Variants in THSD4 observed in about 807,000 individuals in gnomAD.
THSD4 encodes the protein thrombospondin type-1 domain-containing protein 4.
In THSD4, 69 loss-of-function variants were observed where a neutral mutation model predicts 119.0. The observed-to-expected ratio is 0.58, with a 90% CI of 0.48 to 0.71. The LOEUF (loss-of-function observed/expected upper bound fraction) is 0.71. THSD4 is among the 30% of genes least tolerant of loss of function. The pLI is 0.00. For synonymous variants in THSD4, 524 were observed against 540.4 expected, an observed-to-expected ratio of 0.97 and a Z score of 0.42; for missense variants, 1,393 against 1,391.1, an observed-to-expected ratio of 1.00 and a Z score of -0.02.
At chr15:71,230,826 A>C (rs140741665) in intron 4 of THSD4, among the ~76,000 whole-genome samples, 1 of 152,318 alleles carries the variant, frequency 6.6e-6, no homozygotes, top group Admixed American at 6.5e-5. Flanking sequence ...TCTCTCTTTT[A>C]AACTTCCACT....
intron 3 of THSD4, among the ~76,000 whole-genome samples, chr15:71,162,638 C>G (rs1240396604): frequency 6.6e-6 from 1 of 152,008 alleles, no homozygotes; most frequent in African/African-American, 2.4e-5. Context: ...TCACTGAAGA[C>G]CTTTGACCTT....
At chr15:71,383,420 C>T (rs948296479) in intron 6 of THSD4, among the ~76,000 whole-genome samples, 8 of 152,116 alleles carry the variant, frequency 5.3e-5, no homozygotes, top group African/African-American at 1.9e-4. Flanking sequence ...CCATCATTTG[C>T]CCAAATCAAG....
chr15:71,430,517 C>T (rs571997734), intron 7 of THSD4, among the ~76,000 whole-genome samples: 8 of 152,110 alleles, frequency 5.3e-5, no homozygotes, highest in Non-Finnish European at 7.4e-5. Flanking sequence ...CCTCAGACTA[C>T]GTCTGTAATA....
intron 6 of THSD4, among the ~76,000 whole-genome samples, chr15:71,329,791 T>C (rs564181072): frequency 9.9e-5 from 15 of 152,204 alleles, no homozygotes; most frequent in Non-Finnish European, 2.2e-4. Flanking sequence ...TGTTCCATTA[T>C]TGCTATGGGC....
upstream of THSD4, among the ~76,000 whole-genome samples, chr15:71,112,703 T>C (rs919624312): frequency 2.0e-5 from 3 of 152,226 alleles, no homozygotes; most frequent in African/African-American, 7.2e-5. Context: ...TGGCTCTCTC[T>C]TTCGGTGAGG....
intron 6 of THSD4, among the ~76,000 whole-genome samples, chr15:71,330,589 G>A (rs781744274): frequency 3.3e-5 from 5 of 152,138 alleles, no homozygotes; most frequent in African/African-American, 4.8e-5. Flanking sequence ...TAGTTACTAT[G>A]AGGATTAGAT....
chr15:71,761,616 C>T (rs897375867), intron 15 of THSD4, among the ~76,000 whole-genome samples: 1 of 152,172 alleles, frequency 6.6e-6, no homozygotes, highest in African/African-American at 2.4e-5. Flanking sequence ...AATTCCAGCA[C>T]ATTTTTATCA....
At chr15:71,729,737 A>T (rs914462455) in intron 9 of THSD4, 2 of 152,170 alleles carry the variant, frequency 1.3e-5, no homozygotes, top group Admixed American at 1.3e-4. Context: ...ATGGAAGCCA[A>T]CAGCAATTTC....
chr15:71,768,931 C>T (rs903312611), intron 16 of THSD4, among the ~76,000 whole-genome samples: 2 of 145,202 alleles, frequency 1.4e-5, no homozygotes, highest in African/African-American at 2.6e-5. Context: ...GGCTGGCTGC[C>T]CGGCCAGCCG....
intron 7 of THSD4, chr15:71,547,749 G>A (rs1420709799): frequency 1.8e-5 from 6 of 326,082 alleles, no homozygotes; most frequent in Middle Eastern, 8.6e-4. Flanking sequence ...ACAGATGCCT[G>A]TAGCACGCAC....
intron 7 of THSD4, among the ~76,000 whole-genome samples, chr15:71,586,818 A>C (rs992606986): frequency 1.3e-5 from 2 of 152,150 alleles, no homozygotes; most frequent in Non-Finnish European, 2.9e-5. Flanking sequence ...TGCCTACCAC[A>C]CTATTCTGTG....
intron 15 of THSD4, among the ~76,000 whole-genome samples, chr15:71,763,371 G>A (rs2053657617): frequency 7.2e-6 from 1 of 139,406 alleles, no homozygotes; most frequent in African/African-American, 3.4e-5. Flanking sequence ...ATTCTTTAAA[G>A]TCTATAATAA....
At chr15:71,493,370 T>C (rs886207855) in intron 7 of THSD4, among the ~76,000 whole-genome samples, 5 of 152,244 alleles carry the variant, frequency 3.3e-5, no homozygotes, top group African/African-American at 1.2e-4. Flanking sequence ...TCCTTTCCTC[T>C]GAGTTTGGAC....
intron 6 of THSD4, among the ~76,000 whole-genome samples, chr15:71,258,670 C>T (rs1002354137): frequency 1.6e-4 from 24 of 152,184 alleles, no homozygotes; most frequent in African/African-American, 5.8e-4. Context: ...GTAATACTCA[C>T]TTAATATGGG....
At chr15:71,123,518 C>T (rs959011129) in intron 1 of THSD4, among the ~76,000 whole-genome samples, 1 of 152,224 alleles carries the variant, frequency 6.6e-6, no homozygotes, top group Non-Finnish European at 1.5e-5. Flanking sequence ...AACACTAGAA[C>T]TTCTTTCTTC....
intron 7 of THSD4, among the ~76,000 whole-genome samples, chr15:71,645,371 C>A (rs2050948496): frequency 6.6e-6 from 1 of 152,074 alleles, no homozygotes; most frequent in Admixed American, 6.6e-5. Flanking sequence ...GAGAGCCGTG[C>A]AAAGAGGGAA....
At chr15:71,615,452 G>A in intron 7 of THSD4, among the ~76,000 whole-genome samples, 1 of 151,876 alleles carries the variant, frequency 6.6e-6, no homozygotes, top group East Asian at 1.9e-4. Context: ...GGTAAGAAGG[G>A]AAATATGCAT....
In THSD4 at chr15:71,602,896, A is replaced by AG. The variant is rs1361629947; in HGVS notation, c.1153-57630dup. Among the ~76,000 whole-genome samples the AG allele has an allele frequency of 5.3e-5, 8 of 152,318 alleles. No individual in the cohort carries two copies. The East Asian group carries it at 1.5e-3, about 29-fold the overall frequency. On this transcript the variant is annotated intron_variant, in intron 7 of 17. Coordinates refer to ENST00000261862, the MANE Select transcript of THSD4 (RefSeq NM_024817.3). The stretch of plus-strand genomic sequence containing the variant: ...TATATGAATTATATCTCAAATAAGG[A>AG]GGGGAAAAAACATAAGGCTCAAAGA...
chr15:71,346,846 T>C (rs977791037), intron 6 of THSD4, among the ~76,000 whole-genome samples: 1 of 149,280 alleles, frequency 6.7e-6, no homozygotes, highest in Admixed American at 6.7e-5. Flanking sequence ...CCGAATAACA[T>C]CATAAGTTTC....
Sources: allele counts gnomAD v4.1 joint callset (sites outside exome capture counted in the v4.1 genomes callset), GRCh38; gene constraint gnomAD v4.1.1; transcripts MANE v1.5; gene names NCBI Gene and HGNC (gene_info 2026-07-23, HGNC 2026-07-21).